Variants in ASTN2 observed in about 807,000 individuals in gnomAD.
The protein encoded by ASTN2 is astrotactin-2.
ASTN2 carries 54 observed loss-of-function variants against 139.8 expected under a neutral mutation model. That is an observed-to-expected ratio of 0.39 (90% CI 0.31 to 0.48). The LOEUF is 0.48. ASTN2 is among the 20% of genes least tolerant of loss of function. The pLI is 0.95. For synonymous variants in ASTN2, 756 were observed against 719.5 expected (o/e 1.05, Z -0.81); for missense variants, 1,565 against 1,725.1 (o/e 0.91, Z 1.64).
At chr9:116,938,045 G>A (rs1835125985) in intron 10 of ASTN2, among the ~76,000 whole-genome samples, 1 of 152,178 alleles carries the variant, frequency 6.6e-6, no homozygotes, top group Admixed American at 6.5e-5. Context: ...AAACAAGCAC[G>A]CGAGGTTTAA....
rs537762284 is a variant in ASTN2 at position 116,991,939 on chromosome 9, C to T, written c.1592-15154G>A. On this transcript the variant is annotated intron_variant, in intron 7 of 22. Transcript: ENST00000313400. Reference sequence around the variant, plus strand: ...CTATGAAACAAAGACATTAATGAAGCTTATGAGGAACACACATGCCCCAGA... The same window carrying T: ...CTATGAAACAAAGACATTAATGAAGTTTATGAGGAACACACATGCCCCAGA... Among the ~76,000 whole-genome samples, 9 of 152,288 alleles carry T rather than the reference C, an allele frequency of 5.9e-5. No homozygotes were observed. The East Asian group carries it at 1.5e-3, about 26-fold the overall frequency.
Position 116,423,788 on chromosome 9 carries a change from A to AT in ASTN2, c.*2062dup, listed in dbSNP as rs547568753. Among the ~76,000 whole-genome samples, 14 of 152,292 alleles carry AT rather than the reference A, an allele frequency of 9.2e-5. No individual in the cohort carries two copies. The East Asian group carries it at 2.3e-3, about 25-fold the overall frequency. ...TTCTTTTGTGTTACCCATTTTCCCC[A>AT]TATGGATTGAAGTCCTGGGGAAAAA... On this transcript the variant is annotated 3_prime_UTR_variant, in exon 23 of 23. Transcript: ENST00000313400.
chr9:117,228,228 T>A (rs1832777076), intron 2 of ASTN2, among the ~76,000 whole-genome samples: 1 of 152,032 alleles, frequency 6.6e-6, no homozygotes, highest in Admixed American at 6.6e-5. Context: ...AGGTGTTTGT[T>A]AAAGAGAGGG....
intron 13 of ASTN2, among the ~76,000 whole-genome samples, chr9:116,737,609 A>ATG (rs1477655413): frequency 2.0e-4 from 4 of 20,146 alleles, no homozygotes; most frequent in Non-Finnish European, 5.0e-4. Context: ...TCATGTGCCA[A>ATG]CGTGTGTGTG....
chr9:116,797,933 C>A (rs921605727), intron 13 of ASTN2, among the ~76,000 whole-genome samples: 2 of 152,164 alleles, frequency 1.3e-5, no homozygotes, highest in African/African-American at 2.4e-5. Flanking sequence ...CAATTTTAGG[C>A]AATTTACTTA....
chr9:116,878,595 T>TG (rs2132365082), intron 10 of ASTN2, among the ~76,000 whole-genome samples: 1 of 152,084 alleles, frequency 6.6e-6, no homozygotes, highest in African/African-American at 2.4e-5. Flanking sequence ...CTAATACATG[T>TG]GGGGCTTAAT....
intron 7 of ASTN2, among the ~76,000 whole-genome samples, chr9:117,001,863 C>A (rs951019393): frequency 6.6e-6 from 1 of 151,956 alleles, no homozygotes; most frequent in South Asian, 2.1e-4. Flanking sequence ...TATTTTTATA[C>A]CTGTGAGAAT....
intron 4 of ASTN2, among the ~76,000 whole-genome samples, chr9:117,112,448 A>C (rs1348428988): frequency 6.6e-6 from 1 of 152,140 alleles, no homozygotes; most frequent in African/African-American, 2.4e-5. Flanking sequence ...AGGAATATAA[A>C]TCAGTGAAAC....
At chr9:117,396,781 G>A (rs1830687810) in intron 1 of ASTN2, among the ~76,000 whole-genome samples, 1 of 151,850 alleles carries the variant, frequency 6.6e-6, no homozygotes. Context: ...GGCAAAGCTG[G>A]TCTCAAGCTC....
chr9:116,592,507 G>T (rs79928731), intron 19 of ASTN2, among the ~76,000 whole-genome samples: 5,961 of 152,218 alleles, frequency 0.039, 180 homozygotes, highest in Non-Finnish European at 0.062. Context: ...CAACAGTGGG[G>T]ATTACAATTT....
intron 3 of ASTN2, among the ~76,000 whole-genome samples, chr9:117,212,629 G>T (rs1203113301): frequency 1.3e-5 from 2 of 151,952 alleles, no homozygotes; most frequent in Non-Finnish European, 2.9e-5. Context: ...TGGACAAATT[G>T]TTCTGAATAG....
At chr9:116,726,182 GAGA>G (rs1332504928) in intron 15 of ASTN2, among the ~76,000 whole-genome samples, 1 of 152,158 alleles carries the variant, frequency 6.6e-6, no homozygotes, top group African/African-American at 2.4e-5. Flanking sequence ...GAATCTGCAG[GAGA>G]AGAAGGCCTA....
Position 116,758,486 on chromosome 9 carries a change from C to T in ASTN2, c.2397-24963G>A, listed in dbSNP as rs116763970. Among the ~76,000 whole-genome samples the T allele has an allele frequency of 7.4e-3, 1,122 of 152,174 alleles. 18 individuals are homozygous for T. The highest frequency in any genetic ancestry group is 0.026 in the African/African-American group (1,069 of 41,502). ...GGACACCCAGGCTAAGAAGTAAGGT[C>T]CAGGGTTATTTTGGACATTATTGAC... is the stretch of plus-strand genomic sequence containing the variant. On this transcript the variant is annotated intron_variant, in intron 13 of 22. Transcript: ENST00000313400.
intron 1 of ASTN2, among the ~76,000 whole-genome samples, chr9:117,325,436 A>G (rs939363801): frequency 3.9e-5 from 6 of 152,106 alleles, no homozygotes; most frequent in African/African-American, 1.4e-4. Flanking sequence ...GCCAGTCTCA[A>G]GTCTGAGCTG....
chr9:116,639,390 T>G (rs941715629), intron 17 of ASTN2, among the ~76,000 whole-genome samples: 4 of 152,326 alleles, frequency 2.6e-5, no homozygotes, highest in Non-Finnish European at 5.9e-5. Flanking sequence ...TACAAACTCA[T>G]GCTGCTTTCA....
chr9:116,434,262 A>C (rs1189530423), intron 22 of ASTN2, among the ~76,000 whole-genome samples: 2 of 152,208 alleles, frequency 1.3e-5, no homozygotes, highest in Non-Finnish European at 2.9e-5. Flanking sequence ...AATATACAGA[A>C]AAAGGTTAAA....
chr9:117,365,419 T>C (rs1296599141), intron 1 of ASTN2, among the ~76,000 whole-genome samples: 1 of 152,162 alleles, frequency 6.6e-6, no homozygotes, highest in Non-Finnish European at 1.5e-5. Context: ...GTTTCACTCA[T>C]GCTATATGTT....
intron 2 of ASTN2, among the ~76,000 whole-genome samples, chr9:117,242,201 A>G (rs1483690473): frequency 6.6e-6 from 1 of 151,808 alleles, no homozygotes; most frequent in East Asian, 1.9e-4. Context: ...AGTGTTTCCT[A>G]TTTGGAATGG....
chr9:117,313,573 G>A (rs1194653838), intron 1 of ASTN2, among the ~76,000 whole-genome samples: 1 of 152,194 alleles, frequency 6.6e-6, no homozygotes, highest in Non-Finnish European at 1.5e-5. Flanking sequence ...ATGGACAGGT[G>A]TTTACCAAGT....
Sources: gnomAD v4.1 joint callset for allele counts (sites outside exome capture counted in the v4.1 genomes callset) on GRCh38, gnomAD v4.1.1 for gene constraint, MANE v1.5 for transcripts, NCBI Gene and HGNC (gene_info 2026-07-23, HGNC 2026-07-21) for gene names.